MLLT1: variants seen among roughly 807,000 people sequenced by gnomAD.
MLLT1 encodes the protein MLLT1 super elongation complex subunit, also known as protein ENL.
A neutral mutation model predicts 55.1 loss-of-function variants in MLLT1; 11 were observed. The observed-to-expected ratio is 0.20, with a 90% CI of 0.13 to 0.33. The LOEUF is 0.33. Ranked by LOEUF, MLLT1 falls within the 10% of genes least tolerant of loss-of-function variation. The pLI is 1.00. For synonymous variants in MLLT1, 323 were observed against 320.1 expected, an observed-to-expected ratio of 1.01 and a Z score of -0.10; for missense variants, 536 against 760.6, an observed-to-expected ratio of 0.70 and a Z score of 3.47.
rs1278122946 is a variant in MLLT1 at position 6,231,238 on chromosome 19, C to T, written c.277-525G>A. Among the ~76,000 whole-genome samples, 1 of 152,234 alleles carries T rather than the reference C, an allele frequency of 6.6e-6. No individual in the cohort carries two copies. The highest frequency in any genetic ancestry group is 1.5e-5 in the Non-Finnish European group (1 of 68,042). ...GACCCAGTTTCCAGGAGGCTCTGTC[C>T]ACTTTGGGTGCCGCCCCGCACCCTC... On this transcript the variant is annotated intron_variant, in intron 3 of 11. Coordinates refer to ENST00000252674, the MANE Select transcript of MLLT1 (RefSeq NM_005934.4). The surrounding 1 kb of genome is among the most constrained non-coding windows in gnomAD (Gnocchi z 5.1).
At chr19:6,246,907 T>C (rs1446499394) in intron 3 of MLLT1, among the ~76,000 whole-genome samples, 1 of 152,210 alleles carries the variant, frequency 6.6e-6, no homozygotes, top group African/African-American at 2.4e-5. Flanking sequence ...GCGTTCCTAC[T>C]TGACAGAAAG....
At chr19:6,271,774 C>T (rs922011007) in intron 1 of MLLT1, among the ~76,000 whole-genome samples, 3 of 152,240 alleles carry the variant, frequency 2.0e-5, no homozygotes, top group Non-Finnish European at 4.4e-5. Context: ...GCTGAGATAG[C>T]CGGGAGCCAG....
In MLLT1 at chr19:6,211,752, A is replaced by T; in HGVS notation, c.*1290T>A. 9.4e-7 allele frequency: 1 copy of T among 1,064,010 alleles called. No homozygotes were observed. Among genetic ancestry groups the T allele is most frequent in the Non-Finnish European group, 1.1e-6 (1 of 878,436 alleles). The allele number at this position is 1,064,010 out of a possible 1,614,324, so 65.9% of individuals were successfully genotyped here. On this transcript the variant is annotated 3_prime_UTR_variant, in exon 12 of 12. Coordinates refer to ENST00000252674, the MANE Select transcript of MLLT1 (RefSeq NM_005934.4). This position sits in a 1 kb window ranked among gnomAD's most constrained non-coding sequence, Gnocchi z 4.6. ...CAGGCCTCCAGCCCCTGGGACCCCCAGCCACGATGGGCTGGCTCCGCGGGA... is the reference window on the plus strand; with the variant it reads ...CAGGCCTCCAGCCCCTGGGACCCCCTGCCACGATGGGCTGGCTCCGCGGGA...
Position 6,235,593 on chromosome 19 carries a change from C to T in MLLT1, c.277-4880G>A, listed in dbSNP as rs1242306346. On this transcript the variant is annotated intron_variant, in intron 3 of 11. Transcript: ENST00000252674. This position sits in a 1 kb window ranked among gnomAD's most constrained non-coding sequence, Gnocchi z 5.5. ...GGGGCTCGGAACTGGGTCCTCTCCT[C>T]TCCACACTCCTGGCCACAGCTGTGC... Among the ~76,000 whole-genome samples the T allele has an allele frequency of 6.6e-6, 1 of 152,150 alleles. No homozygotes were observed. The highest frequency in any genetic ancestry group is 6.5e-5 in the Admixed American group (1 of 15,288).
rs1157280818 is a variant in MLLT1, at chr19:6,226,746, C to T, written c.546+231G>A. 2.6e-5 allele frequency among the ~76,000 whole-genome samples: 4 copies of T among 152,156 alleles called. No individual in the cohort carries two copies. Among genetic ancestry groups the T allele is most frequent in the African/African-American group, 9.6e-5 (4 of 41,460 alleles). ...AGAACGGGAGAGGACTAGGCAGGGT[C>T]TCTGGCCTCAAGATGAACAGGGCAA... is the stretch of plus-strand genomic sequence containing the variant. On this transcript the variant is annotated intron_variant, in intron 5 of 11. Coordinates refer to ENST00000252674, the MANE Select transcript of MLLT1 (RefSeq NM_005934.4). The surrounding 1 kb of genome is among the most constrained non-coding windows in gnomAD (Gnocchi z 6.3).
In MLLT1 at chr19:6,213,702, GCCTTGTCGTAGGTGCCCCCCCA is replaced by G. The variant is rs779948071; in HGVS notation, c.1479+2_1479+23del. 1.4e-5 allele frequency: 4 copies of G among 291,602 alleles called. No individual in the cohort carries two copies. The highest frequency in any genetic ancestry group is 1.7e-5 in the Non-Finnish European group (3 of 175,622). 18.1% of individuals were successfully genotyped at this position (291,602 alleles called of 1,614,324 possible). On this transcript the variant is annotated splice_donor_variant and splice_donor_5th_base_variant and intron_variant, in intron 10 of 11. Transcript: ENST00000252674. LOFTEE classifies it high-confidence loss of function. ...CCACCCACCCCTCCGTAGCCTCCCC[GCCTTGTCGTAGGTGCCCCCCCA>G]CCTTGTCGTAGGTGCCCTTCTTGAG...
intron 7 of MLLT1, among the ~76,000 whole-genome samples, chr19:6,217,271 T>G (rs2090854508): frequency 6.6e-6 from 1 of 152,058 alleles, no homozygotes; most frequent in Admixed American, 6.5e-5. Context: ...CCAGCCCCCC[T>G]GCAAAGGATT....
chr19:6,228,905 C>T (rs796393682), intron 4 of MLLT1, among the ~76,000 whole-genome samples: 43 of 152,286 alleles, frequency 2.8e-4, no homozygotes, highest in African/African-American at 8.7e-4. Flanking sequence ...TCAGCCTGCG[C>T]GTCTCTCTGT....
At position 6,216,451 on chromosome 19, in the gene MLLT1, ACG is replaced by A; in HGVS notation, c.1259_1260del (p.Ser420PhefsTer25). 6.2e-7 allele frequency: 1 copy of A among 1,609,934 alleles called. No individual in the cohort carries two copies. On this transcript the variant is annotated frameshift_variant, in exon 8 of 12. Transcript: ENST00000252674. LOFTEE classifies it high-confidence loss of function. ...GTCTTGCCGGCAGCCTCCTCGCCTG[ACG>A]AAGAGTCGTCCTCGTCGGACTCCTC... The part of the protein sequence containing the change: ...QSEESDEDDS[S>X]SGEEAAGKTN...
chr19:6,269,954 T>TC (rs1310329859), intron 2 of MLLT1, among the ~76,000 whole-genome samples: 1 of 151,938 alleles, frequency 6.6e-6, no homozygotes, highest in Admixed American at 6.6e-5. Context: ...ACTCTCCGAT[T>TC]CCCCACCACA....
intron 3 of MLLT1, among the ~76,000 whole-genome samples, chr19:6,257,116 T>C (rs2091263731): frequency 6.6e-6 from 1 of 152,196 alleles, no homozygotes; most frequent in South Asian, 2.1e-4. Flanking sequence ...ATGACCTCAT[T>C]TGGCAATGGA....
At position 6,227,636 on chromosome 19, in the gene MLLT1, G is replaced by A. The variant is rs944352916; in HGVS notation, c.421-534C>T. Among the ~76,000 whole-genome samples, 3 of 152,234 alleles carry A rather than the reference G, an allele frequency of 2.0e-5. No homozygotes were observed. Among genetic ancestry groups the A allele is most frequent in the Non-Finnish European group, 2.9e-5 (2 of 68,036 alleles). On this transcript the variant is annotated intron_variant, in intron 4 of 11. Transcript: ENST00000252674. The surrounding 1 kb of genome is among the most constrained non-coding windows in gnomAD (Gnocchi z 5.1). ...AACAGGGCAAGAGCACCCAGGCTGA[G>A]GCCGAGACCAAGGCAGACGACCTGT...
At chr19:6,250,422 C>T (rs2144916994) in intron 3 of MLLT1, among the ~76,000 whole-genome samples, 1 of 152,340 alleles carries the variant, frequency 6.6e-6, no homozygotes, top group Middle Eastern at 3.4e-3. Context: ...CTAAGGTATA[C>T]AGTCATCCCT....
At chr19:6,271,554 T>C (rs1209427140) in intron 1 of MLLT1, among the ~76,000 whole-genome samples, 3 of 152,208 alleles carry the variant, frequency 2.0e-5, no homozygotes, top group African/African-American at 7.2e-5. Context: ...TCAGGCCAGT[T>C]CCATGCCACT....
rs1279715602 is a variant in MLLT1 at position 6,222,359 on chromosome 19, T to G, written c.872A>C (p.Asp291Ala). Residue 291 changes from aspartate (D) to alanine (A), a missense_variant, in exon 6 of 12, where the codon GAC becomes GCC. Physicochemically the swap from Asp to Ala is moderately radical, Grantham distance 126. Transcript: ENST00000252674. The surrounding 1 kb of genome is among the most constrained non-coding windows in gnomAD (Gnocchi z 4.1). ...RASSKRPATADSPKPSAKKQK... is the reference protein window; with the variant it reads ...RASSKRPATAASPKPSAKKQK... ...CTTCTTGGCGCTGGGCTTTGGCGAG[T>G]CGGCGGTGGCCGGCCGCTTGCTGGA... The G allele has an allele frequency of 4.1e-6, 5 of 1,233,800 alleles. No homozygotes were observed. The highest frequency in any genetic ancestry group is 5.2e-6 in the Non-Finnish European group (5 of 968,834). The allele number at this position is 1,233,800 out of a possible 1,614,324, so 76.4% of individuals were successfully genotyped here.
At chr19:6,260,652 G>T (rs571762899) in intron 3 of MLLT1, among the ~76,000 whole-genome samples, 3 of 152,268 alleles carry the variant, frequency 2.0e-5, no homozygotes, top group African/African-American at 7.2e-5. Context: ...GCTGAAGGCC[G>T]TGTCAGGGAC....
intron 2 of MLLT1, among the ~76,000 whole-genome samples, chr19:6,269,816 G>A (rs1323864243): frequency 6.6e-6 from 1 of 152,192 alleles, no homozygotes; most frequent in Non-Finnish European, 1.5e-5. Flanking sequence ...CCTTTATCAA[G>A]ACATCACCCA....
intron 2 of MLLT1, among the ~76,000 whole-genome samples, chr19:6,264,706 G>A (rs527658384): frequency 8.3e-4 from 126 of 151,848 alleles, no homozygotes; most frequent in African/African-American, 2.9e-3. Context: ...AGGAGTTCAA[G>A]GCCAACCTGG....
Position 6,222,747 on chromosome 19 carries a change from C to G in MLLT1, c.547-63G>C. ...AAGGTCACGTGGCATTGCGGGGCGC[C>G]CTGCTCCGCCACCCCTGACCCCTAC... On this transcript the variant is annotated intron_variant, in intron 5 of 11. Coordinates refer to ENST00000252674, the MANE Select transcript of MLLT1 (RefSeq NM_005934.4). The surrounding 1 kb of genome is among the most constrained non-coding windows in gnomAD (Gnocchi z 4.1). The G allele has an allele frequency of 7.3e-7, 1 of 1,365,890 alleles. No homozygotes were observed. Among genetic ancestry groups the G allele is most frequent in the Non-Finnish European group, 9.8e-7 (1 of 1,022,590 alleles). 84.6% of individuals were successfully genotyped at this position (1,365,890 alleles called of 1,614,324 possible).
Sources: gnomAD v4.1 joint callset for allele counts (sites outside exome capture counted in the v4.1 genomes callset) on GRCh38, gnomAD v4.1.1 for gene constraint, Gnocchi (gnomAD v3.1) non-coding constraint, MANE v1.5 for transcripts, NCBI Gene and HGNC (gene_info 2026-07-23, HGNC 2026-07-21) for gene names.